The following DGKB variants were observed in gnomAD, a reference collection of about 807,000 sequenced individuals.
DGKB encodes the protein 90 kDa diacylglycerol kinase.
A neutral mutation model predicts 114.3 loss-of-function variants in DGKB; 67 were observed. The ratio of observed to expected loss-of-function variants is 0.59; its 90% confidence interval spans 0.48 to 0.72. The LOEUF is 0.72. Among genes scored for constraint, DGKB ranks in the 30% least tolerant of loss-of-function variants. The probability of loss-of-function intolerance (pLI) is 0.00; values close to 1 mark genes in which losing one functional copy is unlikely to be tolerated. For synonymous variants in DGKB, 398 were observed against 323.1 expected, an observed-to-expected ratio of 1.23 and a Z score of -2.49; for missense variants, 907 against 975.2, an observed-to-expected ratio of 0.93 and a Z score of 0.93.
In DGKB at chr7:14,882,824, TTTATC is replaced by T. The variant is rs199758325; in HGVS notation, c.-188+19763_-188+19767del. ...CATTGTGTATATATGCCACATTTTC[TTTATC>T]TTATCTTATCTTATCTTACCCTATC... On this transcript the variant is annotated intron_variant, in intron 1 of 25. Coordinates refer to ENST00000402815, the MANE Select transcript of DGKB (RefSeq NM_001350709.2). Among the ~76,000 whole-genome samples, 1,153 of 152,164 alleles carry T rather than the reference TTTATC, an allele frequency of 7.6e-3. 3 individuals carry two copies. The highest frequency in any genetic ancestry group is 8.9e-3 in the Non-Finnish European group (604 of 67,918).
At chr7:14,210,382 C>A (rs1226704093) in intron 23 of DGKB, among the ~76,000 whole-genome samples, 2 of 152,122 alleles carry the variant, frequency 1.3e-5, no homozygotes, top group Non-Finnish European at 2.9e-5. Flanking sequence ...AGATAGCACT[C>A]CAGTGTGATG....
intron 5 of DGKB, among the ~76,000 whole-genome samples, chr7:14,724,866 T>A (rs566284852): frequency 6.6e-6 from 1 of 152,312 alleles, no homozygotes; most frequent in Admixed American, 6.5e-5. Context: ...TACACCAGTG[T>A]TATCCAATAA....
intron 21 of DGKB, among the ~76,000 whole-genome samples, chr7:14,472,873 G>A (rs1462337394): frequency 6.6e-6 from 1 of 152,150 alleles, no homozygotes; most frequent in African/African-American, 2.4e-5. Flanking sequence ...ATGATTTAGG[G>A]TATCTGGAGG....
intron 23 of DGKB, among the ~76,000 whole-genome samples, chr7:14,335,355 T>C (rs974110082): frequency 2.0e-5 from 3 of 152,178 alleles, no homozygotes; most frequent in Non-Finnish European, 4.4e-5. Context: ...TAATTACCTT[T>C]ATTACATGAA....
At chr7:14,503,397 C>T (rs1363370096) in intron 20 of DGKB, among the ~76,000 whole-genome samples, 2 of 152,128 alleles carry the variant, frequency 1.3e-5, no homozygotes, top group Non-Finnish European at 2.9e-5. Flanking sequence ...TGCTTTCTCT[C>T]TTCTATAACA....
chr7:14,888,281 A>G (rs1382911533), intron 1 of DGKB, among the ~76,000 whole-genome samples: 1 of 151,762 alleles, frequency 6.6e-6, no homozygotes, highest in East Asian at 1.9e-4. Context: ...TAGGCATGAT[A>G]CAGTAGATAC....
Position 14,147,771 on chromosome 7 carries a change from A to G in DGKB, c.*1360T>C, listed in dbSNP as rs1584029306. 1 of 152,604 alleles carries G rather than the reference A, an allele frequency of 6.6e-6. No homozygotes were observed. The highest frequency in any genetic ancestry group is 1.9e-4 in the East Asian group (1 of 5,194). 9.5% of individuals were successfully genotyped at this position (152,604 alleles called of 1,614,324 possible). ...GAACAATATTACAAGACTGCTCAGA[A>G]GCATTTCATTTTACATCATAGGCTT... On this transcript the variant is annotated 3_prime_UTR_variant, in exon 26 of 26. Coordinates refer to ENST00000402815, the MANE Select transcript of DGKB (RefSeq NM_001350709.2).
intron 20 of DGKB, among the ~76,000 whole-genome samples, chr7:14,549,919 G>A (rs1182962118): frequency 1.3e-5 from 2 of 151,970 alleles, no homozygotes; most frequent in African/African-American, 4.8e-5. Context: ...ACCCTGGGAG[G>A]TGGAGGTTGC....
chr7:14,236,379 AAAAT>A (rs1792784768), intron 23 of DGKB, among the ~76,000 whole-genome samples: 4 of 146,030 alleles, frequency 2.7e-5, no homozygotes, highest in Non-Finnish European at 4.5e-5. Flanking sequence ...AAAAAAAAGG[AAAAT>A]TAATAGCAAA....
At chr7:14,818,327 A>G (rs1444058294) in intron 2 of DGKB, among the ~76,000 whole-genome samples, 4 of 152,196 alleles carry the variant, frequency 2.6e-5, no homozygotes, top group African/African-American at 9.6e-5. Flanking sequence ...TTATTAATTC[A>G]GATACTTAAC....
chr7:14,646,347 CAT>C (rs755950241), intron 13 of DGKB, among the ~76,000 whole-genome samples: 1 of 152,022 alleles, frequency 6.6e-6, no homozygotes, highest in African/African-American at 2.4e-5. Context: ...AGTAAATAAA[CAT>C]ATATATACAC....
chr7:14,750,245 A>C (rs916905451), intron 4 of DGKB: 1 of 476,250 alleles, frequency 2.1e-6, no homozygotes, highest in African/African-American at 2.0e-5. Context: ...TTGCAATATT[A>C]ACACATGGTA....
intron 10 of DGKB, 106 bp downstream of exon 10, chr7:14,685,139 C>G (rs1372924824): frequency 1.5e-6 from 1 of 675,758 alleles, no homozygotes; most frequent in African/African-American, 1.8e-5. Flanking sequence ...TGTACAGAGA[C>G]AGTCCAGATC....
At chr7:14,877,854 A>G (rs1853548403) in intron 1 of DGKB, among the ~76,000 whole-genome samples, 1 of 152,230 alleles carries the variant, frequency 6.6e-6, no homozygotes, top group Admixed American at 6.5e-5. Context: ...GCTATTAGGA[A>G]AAATCGTATA....
At chr7:14,389,789 T>C (rs956445383) in intron 21 of DGKB, among the ~76,000 whole-genome samples, 1 of 152,178 alleles carries the variant, frequency 6.6e-6, no homozygotes, top group African/African-American at 2.4e-5. Context: ...CTGGCTATTG[T>C]TTAGCCAGTA....
chr7:14,639,102 G>T (rs898926811), intron 13 of DGKB, among the ~76,000 whole-genome samples: 1 of 152,054 alleles, frequency 6.6e-6, no homozygotes, highest in South Asian at 2.1e-4. Flanking sequence ...TTTCGATCTA[G>T]ATGTATGTGG....
chr7:14,972,224 T>C (rs1195614657), intron 1 of DGKB, among the ~76,000 whole-genome samples: 1 of 152,124 alleles, frequency 6.6e-6, no homozygotes, highest in Non-Finnish European at 1.5e-5. Context: ...CATCATACTA[T>C]AACATAAATA....
intron 23 of DGKB, among the ~76,000 whole-genome samples, chr7:14,219,879 C>T (rs948264353): frequency 4.0e-5 from 6 of 151,626 alleles, no homozygotes; most frequent in African/African-American, 9.7e-5. Flanking sequence ...CCCTTGTTTT[C>T]GTCTAAAAGT....
In DGKB at chr7:14,305,450, G is replaced by A. The variant is rs572235958; in HGVS notation, c.2122+33065C>T. ...TAAAGGTCTAACACCTAGTGGTCAA[G>A]TTTGAGGTTGACATGGAGGAGAATA... On this transcript the variant is annotated intron_variant, in intron 23 of 25. Coordinates refer to ENST00000402815, the MANE Select transcript of DGKB (RefSeq NM_001350709.2). 2.0e-5 allele frequency among the ~76,000 whole-genome samples: 3 copies of A among 152,254 alleles called. No homozygotes were observed. In the South Asian group the frequency reaches 6.2e-4, roughly 32 times the overall value.
Sources: gnomAD v4.1 joint callset for allele counts (sites outside exome capture counted in the v4.1 genomes callset) on GRCh38, gnomAD v4.1.1 for gene constraint, MANE v1.5 for transcripts, NCBI Gene and HGNC (gene_info 2026-07-23, HGNC 2026-07-21) for gene names.